Variants in RAP1A observed in about 807,000 individuals in gnomAD.
RAP1A encodes RAP1A, member of RAS oncogene family, also known as ras-related protein Rap-1A.
A neutral mutation model predicts 26.4 loss-of-function variants in RAP1A; 6 were observed. The observed-to-expected ratio is 0.23, with a 90% CI of 0.12 to 0.45. The LOEUF is 0.45. Among genes scored for constraint, RAP1A ranks in the 20% least tolerant of loss-of-function variants. The probability of loss-of-function intolerance (pLI) is 0.99; values close to 1 mark genes in which losing one functional copy is unlikely to be tolerated. For synonymous variants in RAP1A, 73 were observed against 79.4 expected (o/e 0.92, Z 0.43); for missense variants, 121 against 217.2 (o/e 0.56, Z 2.78).
chr1:111,701,108 A>G (rs1662008200), intron 4 of RAP1A, among the ~76,000 whole-genome samples: 1 of 152,204 alleles, frequency 6.6e-6, no homozygotes, highest in African/African-American at 2.4e-5. Flanking sequence ...CTCAGAGTAA[A>G]AGCCCAGGTC....
At chr1:111,585,715 G>A (rs919560190) in intron 1 of RAP1A, among the ~76,000 whole-genome samples, 2 of 152,178 alleles carry the variant, frequency 1.3e-5, no homozygotes, top group African/African-American at 4.8e-5. Flanking sequence ...GGTTCTCATA[G>A]TTCTGACATT....
intron 1 of RAP1A, among the ~76,000 whole-genome samples, chr1:111,643,615 G>A (rs1466483883): frequency 6.6e-6 from 1 of 152,140 alleles, no homozygotes; most frequent in East Asian, 1.9e-4. Flanking sequence ...TGGTTCATTG[G>A]AGATTTTATT....
chr1:111,704,995 T>TG (rs1165629323), intron 6 of RAP1A, among the ~76,000 whole-genome samples: 1 of 151,916 alleles, frequency 6.6e-6, no homozygotes, highest in Non-Finnish European at 1.5e-5. Context: ...ATACAGCTGA[T>TG]GCACAAGGCT....
intron 1 of RAP1A, among the ~76,000 whole-genome samples, chr1:111,652,481 GT>G (rs951160995): frequency 5.2e-4 from 76 of 146,638 alleles, no homozygotes; most frequent in Non-Finnish European, 7.2e-4. Flanking sequence ...TTTTTAAAGA[GT>G]TTTTTTTTTT....
At chr1:111,709,035 A>G in intron 6 of RAP1A, 114 bp from the exon 7 acceptor site, 2 of 1,335,898 alleles carry the variant, frequency 1.5e-6, no homozygotes, top group Non-Finnish European at 2.0e-6. Context: ...CTGACTTTAA[A>G]AGAAAGAAGC....
chr1:111,546,885 C>T (rs977961273), intron 1 of RAP1A, among the ~76,000 whole-genome samples: 5 of 152,158 alleles, frequency 3.3e-5, no homozygotes, highest in Admixed American at 6.5e-5. Context: ...TACATTCCTA[C>T]TAGCAGTTCC....
intron 1 of RAP1A, among the ~76,000 whole-genome samples, chr1:111,647,268 G>C (rs898435828): frequency 6.6e-6 from 1 of 152,172 alleles, no homozygotes; most frequent in Non-Finnish European, 1.5e-5. Flanking sequence ...ATGATCTGTT[G>C]CTGTCTCCCA....
Position 111,699,628 on chromosome 1 carries a change from C to CT in RAP1A, c.183+2145dup, listed in dbSNP as rs746727179. Among the ~76,000 whole-genome samples, 761 of 144,126 alleles carry CT rather than the reference C, an allele frequency of 5.3e-3. 5 individuals are homozygous for CT. Among genetic ancestry groups the CT allele is most frequent in the Non-Finnish European group, 8.3e-3 (541 of 65,100 alleles). 94.6% of individuals were successfully genotyped at this position (144,126 alleles called of 152,430 possible). A position where few individuals can be genotyped will look rare whatever the true frequency, so the allele number is the denominator to read the frequency against. On this transcript the variant is annotated intron_variant, in intron 4 of 7. Transcript: ENST00000369709. ...TGCAGGTGCATACCACCACACCTAG[C>CT]TTTTTTTTTTTTTTAATTTTTTGTA... is the stretch of plus-strand genomic sequence containing the variant.
At chr1:111,604,986 T>C (rs140538660) in intron 1 of RAP1A, among the ~76,000 whole-genome samples, 10 of 152,328 alleles carry the variant, frequency 6.6e-5, no homozygotes, top group African/African-American at 1.4e-4. Context: ...CAATTCTCCA[T>C]TGAACTCAGA....
intron 1 of RAP1A, among the ~76,000 whole-genome samples, chr1:111,655,955 G>T (rs956094492): frequency 6.6e-6 from 1 of 151,926 alleles, no homozygotes; most frequent in Non-Finnish European, 1.5e-5. Context: ...CTCCCAAAGT[G>T]CTGGGATTAC....
At chr1:111,544,688 C>T (rs549888141) in intron 1 of RAP1A, among the ~76,000 whole-genome samples, 11 of 152,244 alleles carry the variant, frequency 7.2e-5, no homozygotes, top group African/African-American at 2.6e-4. Flanking sequence ...TTTGCGTGAA[C>T]ATATGTTTTT....
At chr1:111,663,006 C>T (rs1660687748) in intron 1 of RAP1A, among the ~76,000 whole-genome samples, 1 of 152,208 alleles carries the variant, frequency 6.6e-6, no homozygotes, top group African/African-American at 2.4e-5. Context: ...CTCCGACTCC[C>T]TGATTCTAGT....
intron 1 of RAP1A, among the ~76,000 whole-genome samples, chr1:111,599,315 C>T (rs1201202149): frequency 1.3e-5 from 2 of 152,140 alleles, no homozygotes; most frequent in Non-Finnish European, 2.9e-5. Context: ...AAGTGATTCT[C>T]CTGCTTCAGC....
At chr1:111,627,725 A>C (rs1659442055) in intron 1 of RAP1A, among the ~76,000 whole-genome samples, 1 of 151,980 alleles carries the variant, frequency 6.6e-6, no homozygotes, top group African/African-American at 2.4e-5. Flanking sequence ...ATTTTAGGTA[A>C]AAGTAATCTG....
At chr1:111,701,472 C>G (rs181089541) in intron 4 of RAP1A, among the ~76,000 whole-genome samples, 2 of 152,188 alleles carry the variant, frequency 1.3e-5, no homozygotes, top group African/African-American at 2.4e-5. Context: ...ACATTTATTA[C>G]CATCTTGCAT....
At chr1:111,618,269 GTCA>G (rs1659057173), upstream of RAP1A, among the ~76,000 whole-genome samples, 1 of 152,028 alleles carries the variant, frequency 6.6e-6, no homozygotes, top group Non-Finnish European at 1.5e-5. Flanking sequence ...TTTCATCAAG[GTCA>G]TCAGCAACTT....
At chr1:111,669,152 C>G (rs1660897373) in intron 1 of RAP1A, among the ~76,000 whole-genome samples, 1 of 151,258 alleles carries the variant, frequency 6.6e-6, no homozygotes, top group Non-Finnish European at 1.5e-5. Flanking sequence ...ATAAGTTAAC[C>G]AAAATAAAGA....
intron 1 of RAP1A, among the ~76,000 whole-genome samples, chr1:111,557,397 A>G (rs1657539161): frequency 6.6e-6 from 1 of 151,942 alleles, no homozygotes; most frequent in African/African-American, 2.4e-5. Context: ...AAATACAAAA[A>G]CAATTAGCTG....
intron 1 of RAP1A, among the ~76,000 whole-genome samples, chr1:111,654,363 C>A (rs1660385221): frequency 6.6e-6 from 1 of 152,116 alleles, no homozygotes; most frequent in Non-Finnish European, 1.5e-5. Flanking sequence ...TTTATTTAAT[C>A]CTTCCATCAC....
Sources: gnomAD v4.1 joint callset for allele counts (sites outside exome capture counted in the v4.1 genomes callset) on GRCh38, gnomAD v4.1.1 for gene constraint, MANE v1.5 for transcripts, NCBI Gene and HGNC (gene_info 2026-07-23, HGNC 2026-07-21) for gene names.